Variants in HFE observed in about 807,000 individuals in gnomAD.
HFE encodes the protein homeostatic iron regulator.
HFE carries 36 observed loss-of-function variants against 40.9 expected under a neutral mutation model. That is an observed-to-expected ratio of 0.88 (90% CI 0.67 to 1.16). The LOEUF (loss-of-function observed/expected upper bound fraction) is 1.16, where lower values mean the gene tolerates loss of function less well. Ranked by LOEUF, HFE falls within the 50% of genes most tolerant of loss-of-function variation. The probability of loss-of-function intolerance (pLI) is 0.00; values close to 1 mark genes in which losing one functional copy is unlikely to be tolerated. For synonymous variants in HFE, 157 were observed against 165.4 expected (o/e 0.95, Z 0.39); for missense variants, 376 against 432.0 (o/e 0.87, Z 1.15).
At chr6:26,091,155 T>C in intron 2 of HFE, 51 bp downstream of exon 2, 1 of 1,611,438 alleles carries the variant, frequency 6.2e-7, no homozygotes, top group Non-Finnish European at 8.5e-7. Context: ...GCTTTTCATC[T>C]TTTCATGCAT....
intron 1 of HFE, among the ~76,000 whole-genome samples, chr6:26,090,528 A>C (rs1762623166): frequency 6.7e-6 from 1 of 149,840 alleles, no homozygotes; most frequent in Non-Finnish European, 1.5e-5. Flanking sequence ...CCAACTCCTG[A>C]GTTCAACTAC....
Position 26,093,902 on chromosome 6 carries a change from T to C in HFE, c.1007-284T>C, listed in dbSNP as rs2071302. On this transcript the variant is annotated intron_variant, in intron 5 of 5. Coordinates refer to ENST00000357618, the MANE Select transcript of HFE (RefSeq NM_000410.4). ...GCTCATACAGAGTCCAAGGGTCTTT[T>C]GGGATATTGGGTTATGATCACTGGG... Among the ~76,000 whole-genome samples, 1,521 of 152,118 alleles carry C rather than the reference T, an allele frequency of 1.0e-2. 16 individuals are homozygous for C. The highest frequency in any genetic ancestry group is 0.052 in the South Asian group (248 of 4,810).
Position 26,097,865 on chromosome 6 carries a change from A to G in HFE, c.*3639A>G, listed in dbSNP as rs1700159437. ...TTCACAAACTCACACACATTTAAAA[A>G]CAAAACACTGTCTCTAAAATCCCCA... On this transcript the variant is annotated 3_prime_UTR_variant, in exon 6 of 6. Coordinates refer to ENST00000357618, the MANE Select transcript of HFE (RefSeq NM_000410.4). 6.6e-6 allele frequency: 1 copy of G among 152,200 alleles called. No homozygotes were observed. The highest frequency in any genetic ancestry group is 2.1e-4 in the South Asian group (1 of 4,834). The allele number at this position is 152,200 out of a possible 1,614,324, so 9.4% of individuals were successfully genotyped here. A position where few individuals can be genotyped will look rare whatever the true frequency, so the allele number is the denominator to read the frequency against.
At position 26,091,303 on chromosome 6, in the gene HFE, G is replaced by A. The variant is rs780658465; in HGVS notation, c.341-11G>A. 20 of 1,614,038 alleles carry A rather than the reference G, an allele frequency of 1.2e-5. No homozygotes were observed. Among genetic ancestry groups the A allele is most frequent in the Admixed American group, 1.7e-5 (1 of 60,006 alleles). ...TTTGGTTGCAGTTAACAAGGCTGGG[G>A]ATTTTTCCAGAGTCCCACACCCTGC... is the stretch of plus-strand genomic sequence containing the variant. On this transcript the variant is annotated splice_polypyrimidine_tract_variant and intron_variant, in intron 2 of 5. Coordinates refer to ENST00000357618, the MANE Select transcript of HFE (RefSeq NM_000410.4).
In HFE at chr6:26,092,926, C is replaced by T. The variant is rs1177638637; in HGVS notation, c.858C>T (p.His286=). ...EEQRYTCQVE[H]PGLDQPLIVI... ...AGAGATATACGTGCCAGGTGGAGCACCCAGGCCTGGATCAGCCCCTCATTG... is the reference window on the plus strand; with the variant it reads ...AGAGATATACGTGCCAGGTGGAGCATCCAGGCCTGGATCAGCCCCTCATTG... Residue 286 remains histidine, a synonymous_variant, in exon 4 of 6, where the codon CAC becomes CAT. Transcript: ENST00000357618. 1.2e-6 allele frequency: 2 copies of T among 1,613,974 alleles called. No individual in the cohort carries two copies. The highest frequency in any genetic ancestry group is 1.7e-6 in the Non-Finnish European group (2 of 1,180,012).
chr6:26,091,668 G>C, intron 3 of HFE, 79 bp downstream of exon 3: 15 of 1,495,426 alleles, frequency 1.0e-5, no homozygotes, highest in Non-Finnish European at 1.4e-5. Flanking sequence ...TCCCTGGTTG[G>C]AGTTTCAGAG....
rs574416617 is a variant in HFE at position 26,095,133 on chromosome 6, A to G, written c.*907A>G. 6 of 152,650 alleles carry G rather than the reference A, an allele frequency of 3.9e-5. No individual in the cohort carries two copies. Among genetic ancestry groups the G allele is most frequent in the South Asian group, 2.1e-4 (1 of 4,844 alleles). The allele number at this position is 152,650 out of a possible 1,614,324, so 9.5% of individuals were successfully genotyped here. ...AGCACCTACTTACATGCATTACTGC[A>G]TGCACTTCTTACAATAATTCTATGA... On this transcript the variant is annotated 3_prime_UTR_variant, in exon 6 of 6. Coordinates refer to ENST00000357618, the MANE Select transcript of HFE (RefSeq NM_000410.4).
rs1173546435 is a variant in HFE at position 26,097,419 on chromosome 6, C to T, written c.*3193C>T. The T allele has an allele frequency of 6.6e-6, 1 of 152,118 alleles. No individual in the cohort carries two copies. The highest frequency in any genetic ancestry group is 1.5e-5 in the Non-Finnish European group (1 of 68,032). The allele number at this position is 152,118 out of a possible 1,614,324, so 9.4% of individuals were successfully genotyped here. A position where few individuals can be genotyped will look rare whatever the true frequency, so the allele number is the denominator to read the frequency against. ...GACCTGCATTTTAAATTCTTATTCA[C>T]CTCTGGCAAAACCATTCACAAACCA... On this transcript the variant is annotated 3_prime_UTR_variant, in exon 6 of 6. Coordinates refer to ENST00000357618, the MANE Select transcript of HFE (RefSeq NM_000410.4).
At chr6:26,089,074 C>T (rs1306339719) in intron 1 of HFE, among the ~76,000 whole-genome samples, 3 of 115,720 alleles carry the variant, frequency 2.6e-5, no homozygotes, top group African/African-American at 6.9e-5. Context: ...GATTAAAAAG[C>T]GGGTTTTCTC....
At chr6:26,093,718 G>A (rs187324222) in intron 5 of HFE, among the ~76,000 whole-genome samples, 41 of 151,992 alleles carry the variant, frequency 2.7e-4, no homozygotes, top group East Asian at 1.2e-3. Context: ...CTACACAGAC[G>A]GAGCAACCAT....
rs745534497 is a variant in HFE at position 26,091,492 on chromosome 6, G to C, written c.519G>C (p.Lys173Asn). ...CCAAGCTGGAGTGGGAAAGGCACAAGATTCGGGCCAGGCAGAACAGGGCCT... is the reference window on the plus strand; with the variant it reads ...CCAAGCTGGAGTGGGAAAGGCACAACATTCGGGCCAGGCAGAACAGGGCCT... ...WPTKLEWERH[K>N]IRARQNRAYL... The change falls in exon 3 of 6, where the codon AAG becomes AAC. Residue 173 changes from lysine to asparagine, a missense_variant. Coordinates refer to ENST00000357618, the MANE Select transcript of HFE (RefSeq NM_000410.4). The C allele has an allele frequency of 6.2e-7, 1 of 1,614,184 alleles. No individual in the cohort carries two copies. The highest frequency in any genetic ancestry group is 1.7e-5 in the Admixed American group (1 of 60,026).
rs766458695 is a variant in HFE, at chr6:26,090,858, T to C, written c.94T>C (p.Tyr32His). The change falls in exon 2 of 6, where the codon TAC becomes CAC. Residue 32 changes from tyrosine to histidine, a missense_variant. Physicochemically the swap from Tyr to His is moderately conservative, Grantham distance 83. Transcript: ENST00000357618. Reference protein sequence around the residue: ...GRLLRSHSLHYLFMGASEQDL... With the variant: ...GRLLRSHSLHHLFMGASEQDL... Reference sequence around the variant, plus strand: ...GTCTCCAGGTTCACACTCTCTGCACTACCTCTTCATGGGTGCCTCAGAGCA... The same window carrying C: ...GTCTCCAGGTTCACACTCTCTGCACCACCTCTTCATGGGTGCCTCAGAGCA... 7 of 1,613,920 alleles carry C rather than the reference T, an allele frequency of 4.3e-6. No homozygotes were observed. The Admixed American group carries it at 8.3e-5, about 19-fold the overall frequency.
intron 5 of HFE, 82 bp downstream of exon 5, chr6:26,093,314 C>T: frequency 2.1e-6 from 2 of 941,424 alleles, no homozygotes; most frequent in Non-Finnish European, 3.5e-6. Context: ...ATCTGGCATC[C>T]ATGGGAAGCA....
chr6:26,090,463 A>C (rs943993880), intron 1 of HFE, among the ~76,000 whole-genome samples: 1 of 150,760 alleles, frequency 6.6e-6, no homozygotes, highest in Non-Finnish European at 1.5e-5. Flanking sequence ...AAAAAAAAAA[A>C]AAAAAAAACT....
At position 26,091,205 on chromosome 6, in the gene HFE, C is replaced by A. The variant is rs1762678000; in HGVS notation, c.340+101C>A. 1.9e-6 allele frequency: 3 copies of A among 1,600,396 alleles called. No individual in the cohort carries two copies. The Admixed American group carries it at 5.0e-5, about 27-fold the overall frequency. On this transcript the variant is annotated intron_variant, in intron 2 of 5. Coordinates refer to ENST00000357618, the MANE Select transcript of HFE (RefSeq NM_000410.4). The stretch of plus-strand genomic sequence containing the variant: ...CTGGAAGTCTGAGGTCTTGTGGGAG[C>A]AGGGAAGAGGGAAGGAATTTGCTTC...
intron 1 of HFE, among the ~76,000 whole-genome samples, chr6:26,090,442 CAAAA>C (rs56267433): frequency 1.6e-4 from 6 of 36,730 alleles, no homozygotes; most frequent in Middle Eastern, 0.029. Flanking sequence ...GACTCTGTCT[CAAAA>C]AAAAAAAAAA....
At position 26,094,240 on chromosome 6, in the gene HFE, G is replaced by GACTC; in HGVS notation, c.*18_*21dup. On this transcript the variant is annotated 3_prime_UTR_variant, in exon 6 of 6. Transcript: ENST00000357618. ...GAACGTGAGTGACACGCAGCCTGCA[G>GACTC]ACTCACTGTGGGAAGGAGACAAAAC... 2 of 1,613,594 alleles carry GACTC rather than the reference G, an allele frequency of 1.2e-6. No homozygotes were observed. The highest frequency in any genetic ancestry group is 1.7e-6 in the Non-Finnish European group (2 of 1,179,570).
rs543820692 is a variant in HFE at position 26,092,089 on chromosome 6, G to A, written c.616+500G>A. On this transcript the variant is annotated intron_variant, in intron 3 of 5. Coordinates refer to ENST00000357618, the MANE Select transcript of HFE (RefSeq NM_000410.4). ...ATTGGAAGGCTGAGGCAGGAGCATC[G>A]CTTGAACCTGGGAAGCGGAAGTTGC... is the stretch of plus-strand genomic sequence containing the variant. 7.5e-4 allele frequency among the ~76,000 whole-genome samples: 112 copies of A among 149,692 alleles called. 1 individual carries two copies. Among genetic ancestry groups the A allele is most frequent in the South Asian group, 7.3e-3 (35 of 4,774 alleles).
chr6:26,096,600 A>G lies in HFE; in HGVS notation c.*2374A>G, dbSNP rs761950742. ...CTTCTTTAGGCATTAAATTTTAGCA[A>G]AGATATCTCATCTCTTCTTTTAAAC... On this transcript the variant is annotated 3_prime_UTR_variant, in exon 6 of 6. Transcript: ENST00000357618. The G allele has an allele frequency of 2.6e-5, 12 of 455,730 alleles. No homozygotes were observed. Among genetic ancestry groups the G allele is most frequent in the Middle Eastern group, 3.5e-4 (1 of 2,828 alleles). 28.2% of individuals were successfully genotyped at this position (455,730 alleles called of 1,614,324 possible). A position where few individuals can be genotyped will look rare whatever the true frequency, so the allele number is the denominator to read the frequency against.
Sources: allele counts gnomAD v4.1 joint callset (sites outside exome capture counted in the v4.1 genomes callset), GRCh38; gene constraint gnomAD v4.1.1; transcripts MANE v1.5; gene names NCBI Gene and HGNC (gene_info 2026-07-23, HGNC 2026-07-21).